The following SDHA variants were observed in gnomAD, a reference collection of about 807,000 sequenced individuals.
SDHA encodes succinate dehydrogenase [ubiquinone] flavoprotein subunit, mitochondrial.
A neutral mutation model predicts 78.4 loss-of-function variants in SDHA; 48 were observed. The observed-to-expected ratio is 0.61, with a 90% CI of 0.49 to 0.78. SDHA has a LOEUF of 0.78. Among genes scored for constraint, SDHA ranks in the 30% least tolerant of loss-of-function variants. The pLI, the probability that SDHA is intolerant of heterozygous loss-of-function variation, is 0.00. For missense variants in SDHA, 680 were observed against 892.7 expected, an observed-to-expected ratio of 0.76 and a Z score of 3.04; for synonymous variants, 326 against 353.9, an observed-to-expected ratio of 0.92 and a Z score of 0.88.
chr5:224,945 C>T, intron 3 of SDHA: 1 of 333,386 alleles, frequency 3.0e-6, no homozygotes, highest in East Asian at 7.5e-5. Flanking sequence ...GCACACACAG[C>T]CAAAGGAAGC....
intron 11 of SDHA, among the ~76,000 whole-genome samples, chr5:248,861 C>T (rs540011422): frequency 5.4e-4 from 82 of 152,300 alleles, no homozygotes; most frequent in African/African-American, 1.5e-3. Context: ...ATAAGAAATA[C>T]GGCAAGGGTT....
In SDHA at chr5:235,275, C is replaced by A. The variant is rs878854625; in HGVS notation, c.1196C>A (p.Pro399Gln). The A allele has an allele frequency of 1.2e-6, 2 of 1,613,956 alleles. No individual in the cohort carries two copies. Among genetic ancestry groups the A allele is most frequent in the Admixed American group, 1.7e-5 (1 of 60,006 alleles). ...GCTGGCGTGGACGTCACGAAGGAGC[C>A]GATCCCTGTCCTCCCCACCGTGCAT... Reference protein sequence around the residue: ...IFAGVDVTKEPIPVLPTVHYN... With the variant: ...IFAGVDVTKEQIPVLPTVHYN... The change falls in exon 9 of 15, where the codon CCG becomes CAG. Residue 399 changes from proline (P) to glutamine (Q), a missense_variant. Pro to Gln is a moderately conservative substitution (Grantham distance 76, BLOSUM62 -1). Transcript: ENST00000264932.
At chr5:233,817 A>G (rs1579403282) in intron 8 of SDHA, 172 bp downstream of exon 8, 5 of 618,454 alleles carry the variant, frequency 8.1e-6, no homozygotes, top group South Asian at 7.4e-5. Context: ...AAAGACCTAC[A>G]TTTTGAAAAT....
At chr5:219,185 CTG>C (rs1173296795) in intron 1 of SDHA, among the ~76,000 whole-genome samples, 3 of 152,170 alleles carry the variant, frequency 2.0e-5, no homozygotes, top group Admixed American at 2.0e-4. Context: ...ACGCCGGGAC[CTG>C]TGCTTGCCTG....
At chr5:238,525 A>C (rs1735927102) in intron 10 of SDHA, among the ~76,000 whole-genome samples, 1 of 151,468 alleles carries the variant, frequency 6.6e-6, no homozygotes, top group East Asian at 1.9e-4. Flanking sequence ...ACACCACCAC[A>C]CCTGGCTAAT....
chr5:235,349 C>T lies in SDHA; in HGVS notation c.1260+10C>T, dbSNP rs1300688046. 5 of 1,613,996 alleles carry T rather than the reference C, an allele frequency of 3.1e-6. No homozygotes were observed. The highest frequency in any genetic ancestry group is 3.4e-6 in the Non-Finnish European group (4 of 1,179,830). On this transcript the variant is annotated intron_variant, in intron 9 of 14. Coordinates refer to ENST00000264932, the MANE Select transcript of SDHA (RefSeq NM_004168.4). ...CAACTACAAGGGGCAGGTGATGGTG[C>T]TGGCTCCTCCCCCACAGCTGGAAAG... is the stretch of plus-strand genomic sequence containing the variant.
At chr5:264,751 C>T in the SDHA span, among the ~76,000 whole-genome samples, 1 of 152,160 alleles carries the variant, frequency 6.6e-6, no homozygotes, top group Non-Finnish European at 1.5e-5. Context: ...CGCAGCACTT[C>T]AAGTATGCAG....
chr5:233,401 T>C (rs1735536086), intron 7 of SDHA, 76 bp from the exon 8 acceptor site: 2 of 1,518,696 alleles, frequency 1.3e-6, no homozygotes, highest in Admixed American at 1.7e-5. Flanking sequence ...CCCCAAAAAA[T>C]GTCTTGAAAA....
In SDHA at chr5:236,491, G is replaced by C; in HGVS notation, c.1324G>C (p.Ala442Pro). Residue 442 changes from alanine to proline, a missense_variant, in exon 10 of 15, where the codon GCC becomes CCC. Transcript: ENST00000264932. ...VPGLYACGEA[A>P]CASVHGANRL... ...CGGCCTGTACGCCTGTGGGGAGGCC[G>C]CCTGTGCCTCGGTACATGGTGCCAA... 1 of 1,613,852 alleles carries C rather than the reference G, an allele frequency of 6.2e-7. No homozygotes were observed. The highest frequency in any genetic ancestry group is 1.1e-5 in the South Asian group (1 of 91,074).
At chr5:221,437 A>G (rs545989011) in intron 1 of SDHA, among the ~76,000 whole-genome samples, 1 of 152,208 alleles carries the variant, frequency 6.6e-6, no homozygotes, top group African/African-American at 2.4e-5. Flanking sequence ...GTGATTGTGT[A>G]GGTTGTACAT....
downstream of SDHA, among the ~76,000 whole-genome samples, chr5:259,058 C>G (rs369905206): frequency 9.4e-3 from 160 of 16,996 alleles, 1 homozygote; most frequent in African/African-American, 0.015. Context: ...CCTCCCGCCA[C>G]AGCATTACCG....
the SDHA span, among the ~76,000 whole-genome samples, chr5:264,749 T>C: frequency 6.6e-6 from 1 of 152,220 alleles, no homozygotes; most frequent in Non-Finnish European, 1.5e-5. Flanking sequence ...AACGCAGCAC[T>C]TCAAGTATGC....
intron 1 of SDHA, chr5:220,182 C>T (rs2126529390): frequency 2.7e-6 from 1 of 366,036 alleles, no homozygotes; most frequent in Non-Finnish European, 5.7e-6. Flanking sequence ...TTTACAACTG[C>T]TTTCAAGTGA....
rs1554002913 is a variant in SDHA, at chr5:256,414, C to T, written c.1989C>T (p.Ser663=). The change falls in exon 15 of 15, where the codon TCC becomes TCT. Residue 663 remains serine (S), a synonymous_variant. Coordinates refer to ENST00000264932, the MANE Select transcript of SDHA (RefSeq NM_004168.4). ...DCATVPPAIR[S]Y is the part of the protein sequence containing the mutation. ...CCACCGTCCCGCCAGCCATTCGCTCCTACTGATGAGACAAGATGTGGTGAT... is the reference window on the plus strand; with the variant it reads ...CCACCGTCCCGCCAGCCATTCGCTCTTACTGATGAGACAAGATGTGGTGAT... The T allele has an allele frequency of 1.9e-6, 3 of 1,612,362 alleles. No individual in the cohort carries two copies. Among genetic ancestry groups the T allele is most frequent in the African/African-American group, 2.7e-5 (2 of 74,958 alleles).
chr5:219,670 C>T (rs370241303), intron 1 of SDHA, among the ~76,000 whole-genome samples: 3 of 152,044 alleles, frequency 2.0e-5, no homozygotes, highest in African/African-American at 7.2e-5. Flanking sequence ...TTAAGAGCTG[C>T]TAGGAGGGCG....
chr5:248,577 G>A (rs1736617623), intron 11 of SDHA, among the ~76,000 whole-genome samples: 1 of 152,114 alleles, frequency 6.6e-6, no homozygotes, highest in Non-Finnish European at 1.5e-5. Flanking sequence ...TCTGATCTCA[G>A]TATTTACCAT....
chr5:221,643 T>G (rs1283412803), intron 1 of SDHA, among the ~76,000 whole-genome samples: 1 of 137,412 alleles, frequency 7.3e-6, no homozygotes, highest in Non-Finnish European at 1.5e-5. Context: ...ATTTTTTTTC[T>G]TGAGGAAATG....
At chr5:250,501 C>G (rs1736742854) in intron 11 of SDHA, 1 of 239,412 alleles carries the variant, frequency 4.2e-6, no homozygotes, top group African/African-American at 2.3e-5. Context: ...CCCCAGCCAC[C>G]CACGCCCCTC....
chr5:231,450 C>G (rs1735390325), intron 7 of SDHA, among the ~76,000 whole-genome samples: 1 of 150,968 alleles, frequency 6.6e-6, no homozygotes, highest in Admixed American at 6.6e-5. Flanking sequence ...ATCCCAGGTA[C>G]TTGGGAGGCT....
Sources: gnomAD v4.1 joint callset for allele counts (sites outside exome capture counted in the v4.1 genomes callset) on GRCh38, gnomAD v4.1.1 for gene constraint, MANE v1.5 for transcripts, NCBI Gene and HGNC (gene_info 2026-07-23, HGNC 2026-07-21) for gene names.